The following PRKG2 variants were observed in gnomAD, a reference collection of about 807,000 sequenced individuals.
PRKG2 encodes the protein cGMP-dependent protein kinase 2.
In PRKG2, 33 loss-of-function variants were observed where a neutral mutation model predicts 97.2. That is an observed-to-expected ratio of 0.34 (90% CI 0.26 to 0.45). The LOEUF (loss-of-function observed/expected upper bound fraction) is 0.45, where lower values mean the gene tolerates loss of function less well. Among genes scored for constraint, PRKG2 ranks in the 20% least tolerant of loss-of-function variants. The probability of loss-of-function intolerance (pLI) is 1.00; values close to 1 mark genes in which losing one functional copy is unlikely to be tolerated. For missense variants in PRKG2, 638 were observed against 900.0 expected (o/e 0.71, Z 3.73); for synonymous variants, 330 against 321.8 (o/e 1.03, Z -0.27).
chr4:81,112,709 T>C (rs746282328), intron 14 of PRKG2, among the ~76,000 whole-genome samples: 13 of 152,220 alleles, frequency 8.5e-5, no homozygotes, highest in Non-Finnish European at 1.6e-4. Context: ...AACTTTGGTC[T>C]AATCCATTTC....
Position 81,089,063 on chromosome 4 carries a change from A to T in PRKG2, c.*645T>A, listed in dbSNP as rs1258086727. On this transcript the variant is annotated 3_prime_UTR_variant, in exon 19 of 19. Coordinates refer to ENST00000264399, the MANE Select transcript of PRKG2 (RefSeq NM_006259.3). ...TTTTTTCTAAGTTCCCCAATAGAAA[A>T]TAATTACCTGACTGGATTGATTGAT... 1 of 152,220 alleles carries T rather than the reference A, an allele frequency of 6.6e-6. No individual in the cohort carries two copies. The highest frequency in any genetic ancestry group is 1.5e-5 in the Non-Finnish European group (1 of 68,034). 9.4% of individuals were successfully genotyped at this position (152,220 alleles called of 1,614,324 possible).
Position 81,182,086 on chromosome 4 carries a change from G to A in PRKG2, c.462-7127C>T, listed in dbSNP as rs147744616. Among the ~76,000 whole-genome samples, 307 of 151,700 alleles carry A rather than the reference G, an allele frequency of 2.0e-3. 3 individuals carry two copies. The highest frequency in any genetic ancestry group is 7.1e-3 in the African/African-American group (293 of 41,476). The stretch of plus-strand genomic sequence containing the variant: ...TTTATGTAATATTTTCCAGAAAACA[G>A]GAAAGACGAATTTTTCCCGATTCAT... On this transcript the variant is annotated intron_variant, in intron 2 of 18. Transcript: ENST00000264399.
At chr4:81,167,972 T>C (rs1378166709) in intron 5 of PRKG2, among the ~76,000 whole-genome samples, 2 of 152,084 alleles carry the variant, frequency 1.3e-5, no homozygotes, top group African/African-American at 4.8e-5. Flanking sequence ...TTTGTTATGA[T>C]GTCTTATAAC....
At chr4:81,135,827 C>T (rs1746636593) in intron 13 of PRKG2, among the ~76,000 whole-genome samples, 1 of 151,638 alleles carries the variant, frequency 6.6e-6, no homozygotes, top group South Asian at 2.1e-4. Context: ...GTTTTACAGA[C>T]TGGATTTTTT....
rs544304746 is a variant in PRKG2, at chr4:81,089,535, T to C, written c.*173A>G. On this transcript the variant is annotated 3_prime_UTR_variant, in exon 19 of 19. Transcript: ENST00000264399. ...AATTCACAGCATCTAAATAAGACACTATAACTCAGAACCATATCCACACCA... is the reference window on the plus strand; with the variant it reads ...AATTCACAGCATCTAAATAAGACACCATAACTCAGAACCATATCCACACCA... 1 of 517,260 alleles carries C rather than the reference T, an allele frequency of 1.9e-6. No individual in the cohort carries two copies. The highest frequency in any genetic ancestry group is 3.5e-5 in the South Asian group (1 of 28,224). 32.0% of individuals were successfully genotyped at this position (517,260 alleles called of 1,614,324 possible). A position where few individuals can be genotyped will look rare whatever the true frequency, so the allele number is the denominator to read the frequency against.
At position 81,208,215 on chromosome 4, in the gene PRKG2, C is replaced by A. The variant is rs575901877; in HGVS notation, c.-13-3155G>T. Among the ~76,000 whole-genome samples the A allele has an allele frequency of 3.3e-5, 5 of 152,240 alleles. No individual in the cohort carries two copies. The East Asian group carries it at 5.8e-4, about 18-fold the overall frequency. ...CAAAAGGGAATATATTTATATCCAT[C>A]TCGTAGGGTTACTATGATTATTACG... On this transcript the variant is annotated intron_variant, in intron 1 of 18. Coordinates refer to ENST00000264399, the MANE Select transcript of PRKG2 (RefSeq NM_006259.3).
At position 81,089,665 on chromosome 4, in the gene PRKG2, G is replaced by T; in HGVS notation, c.*43C>A. The T allele has an allele frequency of 7.4e-7, 1 of 1,358,626 alleles. No individual in the cohort carries two copies. The allele number at this position is 1,358,626 out of a possible 1,614,324, so 84.2% of individuals were successfully genotyped here. The stretch of plus-strand genomic sequence containing the variant: ...ATGTGTTGGATTATTGATCCTTGAG[G>T]TCCTCTTCTGTAGAGTACAGGCAGT... On this transcript the variant is annotated 3_prime_UTR_variant, in exon 19 of 19. Transcript: ENST00000264399.
intron 1 of PRKG2, among the ~76,000 whole-genome samples, chr4:81,209,566 A>C (rs1342281528): frequency 6.6e-6 from 1 of 152,164 alleles, no homozygotes; most frequent in African/African-American, 2.4e-5. Context: ...ACATAGAGAG[A>C]TAGACAAAAC....
At chr4:81,104,790 A>T (rs908193668) in intron 16 of PRKG2, among the ~76,000 whole-genome samples, 6 of 152,184 alleles carry the variant, frequency 3.9e-5, no homozygotes, top group Non-Finnish European at 5.9e-5. Context: ...CTGAAATCTT[A>T]GAAGCATACT....
intron 3 of PRKG2, among the ~76,000 whole-genome samples, chr4:81,172,152 A>G (rs1307025383): frequency 6.6e-6 from 1 of 152,030 alleles, no homozygotes; most frequent in African/African-American, 2.4e-5. Context: ...TGTGTTAGCT[A>G]TTATTAATAT....
chr4:81,099,189 A>G (rs1742446412), intron 17 of PRKG2, among the ~76,000 whole-genome samples: 2 of 152,194 alleles, frequency 1.3e-5, no homozygotes. Context: ...AGATTATTTA[A>G]TATAGAATGG....
At chr4:81,175,032 C>A in intron 2 of PRKG2, 73 bp from the exon 3 acceptor site, 1 of 1,353,168 alleles carries the variant, frequency 7.4e-7, no homozygotes, top group Admixed American at 2.2e-5. Flanking sequence ...TCACTTTATT[C>A]TGATTCTCAA....
At chr4:81,215,426 A>G (rs550676590), upstream of PRKG2, among the ~76,000 whole-genome samples, 13 of 152,246 alleles carry the variant, frequency 8.5e-5, 1 homozygote, top group South Asian at 2.7e-3. Context: ...GAGGCAACTT[A>G]AGTAGGGCGA....
chr4:81,155,435 G>T (rs1278788656), intron 6 of PRKG2, among the ~76,000 whole-genome samples: 2 of 152,134 alleles, frequency 1.3e-5, no homozygotes, highest in Admixed American at 1.3e-4. Context: ...TATGTGAAAA[G>T]ACCAAATCTA....
intron 1 of PRKG2, among the ~76,000 whole-genome samples, chr4:81,214,526 C>T (rs753953657): frequency 6.6e-6 from 1 of 151,954 alleles, no homozygotes; most frequent in Admixed American, 6.6e-5. Flanking sequence ...TGAGGACTGT[C>T]CCCTAGCAAC....
chr4:81,173,923 C>G (rs1639521796), intron 3 of PRKG2: 1 of 151,978 alleles, frequency 6.6e-6, no homozygotes, highest in African/African-American at 2.4e-5. Flanking sequence ...ATTCATCACT[C>G]CTTCTGGGTA....
At chr4:81,147,553 T>C (rs1282455268) in intron 9 of PRKG2, among the ~76,000 whole-genome samples, 1 of 152,128 alleles carries the variant, frequency 6.6e-6, no homozygotes, top group African/African-American at 2.4e-5. Context: ...AAATCCCTTT[T>C]CCACACCTAA....
chr4:81,146,956 G>A (rs1747909813), intron 9 of PRKG2, among the ~76,000 whole-genome samples: 1 of 152,098 alleles, frequency 6.6e-6, no homozygotes, highest in African/African-American at 2.4e-5. Flanking sequence ...AATCTGAACT[G>A]TCTCAGTAAA....
chr4:81,199,116 T>C (rs142134222), intron 2 of PRKG2, among the ~76,000 whole-genome samples: 7 of 152,328 alleles, frequency 4.6e-5, no homozygotes, highest in Non-Finnish European at 8.8e-5. Flanking sequence ...AGCCTGTATA[T>C]ACACTCTTAA....
Sources: gnomAD v4.1 joint callset for allele counts (sites outside exome capture counted in the v4.1 genomes callset) on GRCh38, gnomAD v4.1.1 for gene constraint, MANE v1.5 for transcripts, NCBI Gene and HGNC (gene_info 2026-07-23, HGNC 2026-07-21) for gene names.